Variants in ADGRL3 observed in about 807,000 individuals in gnomAD.
ADGRL3 encodes the protein calcium-independent alpha-latrotoxin receptor 3.
A neutral mutation model predicts 153.5 loss-of-function variants in ADGRL3; 62 were observed. The ratio of observed to expected loss-of-function variants is 0.40; its 90% CI spans 0.33 to 0.50. The LOEUF (loss-of-function observed/expected upper bound fraction) is 0.50. Among genes scored for constraint, ADGRL3 ranks in the 20% least tolerant of loss-of-function variants. ADGRL3 has a pLI of 0.47. For missense variants in ADGRL3, 1,641 were observed against 1,859.4 expected (o/e 0.88, Z 2.16); for synonymous variants, 710 against 672.5 (o/e 1.06, Z -0.86).
intron 3 of ADGRL3, among the ~76,000 whole-genome samples, chr4:61,503,789 T>C (rs2098408523): frequency 6.6e-6 from 1 of 152,196 alleles, no homozygotes; most frequent in Non-Finnish European, 1.5e-5. Flanking sequence ...GGGGTACTTA[T>C]ACAGCATTTT....
intron 8 of ADGRL3, among the ~76,000 whole-genome samples, chr4:61,749,352 A>G (rs2096719975): frequency 6.6e-6 from 1 of 152,178 alleles, no homozygotes; most frequent in African/African-American, 2.4e-5. Flanking sequence ...CAGGCATCCC[A>G]TTACTGGGTA....
intron 8 of ADGRL3, among the ~76,000 whole-genome samples, chr4:61,755,144 T>C (rs1208121282): frequency 6.6e-6 from 1 of 152,206 alleles, no homozygotes; most frequent in Non-Finnish European, 1.5e-5. Context: ...AGTAATGGGA[T>C]GGCTGGGTCA....
chr4:61,720,249 C>G (rs2096215261), intron 6 of ADGRL3, among the ~76,000 whole-genome samples: 1 of 151,778 alleles, frequency 6.6e-6, no homozygotes, highest in Admixed American at 6.6e-5. Flanking sequence ...ACCACCACGC[C>G]CAGTTAATTT....
intron 9 of ADGRL3, among the ~76,000 whole-genome samples, chr4:61,845,078 TG>T (rs1292626923): frequency 6.6e-6 from 1 of 152,204 alleles, no homozygotes; most frequent in African/African-American, 2.4e-5. Flanking sequence ...GAATCTTATG[TG>T]GCTAGGTGTA....
chr4:61,449,170 T>C (rs2097643388), intron 2 of ADGRL3, among the ~76,000 whole-genome samples: 1 of 152,068 alleles, frequency 6.6e-6, no homozygotes, highest in African/African-American at 2.4e-5. Context: ...GGAGTCTCAC[T>C]CTGTCGCCAG....
At chr4:62,026,187 C>T (rs1718462041) in intron 21 of ADGRL3, among the ~76,000 whole-genome samples, 1 of 152,048 alleles carries the variant, frequency 6.6e-6, no homozygotes, top group Non-Finnish European at 1.5e-5. Context: ...AAATATTGTG[C>T]CTTAAACTCT....
At chr4:61,751,346 T>C (rs1228718555) in intron 8 of ADGRL3, among the ~76,000 whole-genome samples, 1 of 152,126 alleles carries the variant, frequency 6.6e-6, no homozygotes, top group East Asian at 1.9e-4. Flanking sequence ...AAATCCATAA[T>C]AAGTTATTAT....
chr4:61,784,144 G>T (rs779228010), intron 8 of ADGRL3, among the ~76,000 whole-genome samples: 8 of 152,136 alleles, frequency 5.3e-5, no homozygotes, highest in Non-Finnish European at 1.2e-4. Flanking sequence ...TAACTTTGAC[G>T]AAGATATAGA....
chr4:61,309,203 C>T (rs2094910233), intron 1 of ADGRL3, among the ~76,000 whole-genome samples: 1 of 152,074 alleles, frequency 6.6e-6, no homozygotes, highest in Non-Finnish European at 1.5e-5. Flanking sequence ...TTTTGTAAAC[C>T]TATTTGAATT....
At chr4:61,287,502 A>G (rs961822240) in intron 1 of ADGRL3, among the ~76,000 whole-genome samples, 63 of 151,992 alleles carry the variant, frequency 4.1e-4, no homozygotes, top group African/African-American at 1.5e-3. Context: ...TACTATTTTT[A>G]TACTATTGGA....
intron 11 of ADGRL3, chr4:61,906,529 C>G (rs2098696524): frequency 6.6e-6 from 1 of 152,012 alleles, no homozygotes; most frequent in Non-Finnish European, 1.5e-5. Context: ...GAACATTTCT[C>G]TTTGTATATC....
intron 5 of ADGRL3, among the ~76,000 whole-genome samples, chr4:61,620,829 C>T (rs1334842725): frequency 5.3e-5 from 8 of 151,560 alleles, no homozygotes; most frequent in Admixed American, 3.3e-4. Context: ...TTAGTAGAGA[C>T]GGGCTTCCAC....
chr4:61,744,164 G>A (rs1020231976), intron 8 of ADGRL3, among the ~76,000 whole-genome samples: 1 of 152,094 alleles, frequency 6.6e-6, no homozygotes, highest in African/African-American at 2.4e-5. Context: ...TGGGGGAGGG[G>A]CACCCACCAT....
intron 8 of ADGRL3, among the ~76,000 whole-genome samples, chr4:61,794,152 T>A (rs2097377636): frequency 6.6e-6 from 1 of 152,200 alleles, no homozygotes; most frequent in Admixed American, 6.5e-5. Flanking sequence ...ATAGTTATTT[T>A]TGTTGTTAAA....
At chr4:62,065,005 C>G (rs1439405478) in intron 25 of ADGRL3, among the ~76,000 whole-genome samples, 1 of 152,054 alleles carries the variant, frequency 6.6e-6, no homozygotes, top group Non-Finnish European at 1.5e-5. Context: ...ATTGAATTCT[C>G]TTTACATCAT....
At chr4:62,065,310 G>T (rs1174043970) in intron 25 of ADGRL3, among the ~76,000 whole-genome samples, 3 of 151,786 alleles carry the variant, frequency 2.0e-5, no homozygotes, top group Non-Finnish European at 2.9e-5. Context: ...TTTCTTCTTG[G>T]TTACTCCACC....
At chr4:61,893,270 G>A (rs1307777086) in intron 10 of ADGRL3, among the ~76,000 whole-genome samples, 1 of 151,866 alleles carries the variant, frequency 6.6e-6, no homozygotes, top group Non-Finnish European at 1.5e-5. Context: ...AATGTAACCT[G>A]ATTAAGTCAC....
chr4:62,036,948 A>G (rs555056773), intron 23 of ADGRL3, among the ~76,000 whole-genome samples: 2 of 152,086 alleles, frequency 1.3e-5, no homozygotes, highest in African/African-American at 4.8e-5. Flanking sequence ...AAAAGTTGAT[A>G]TATTTCTCTG....
intron 2 of ADGRL3, among the ~76,000 whole-genome samples, chr4:61,386,989 C>G (rs1205831172): frequency 6.6e-6 from 1 of 152,066 alleles, no homozygotes; most frequent in African/African-American, 2.4e-5. Context: ...AGATCTAGAA[C>G]GTATATAGGG....
Sources: gnomAD v4.1 joint callset for allele counts (sites outside exome capture counted in the v4.1 genomes callset) on GRCh38, gnomAD v4.1.1 for gene constraint, MANE v1.5 for transcripts, NCBI Gene and HGNC (gene_info 2026-07-23, HGNC 2026-07-21) for gene names.